The following CYYR1 variants were observed in gnomAD, a reference collection of about 807,000 sequenced individuals.
CYYR1 encodes the protein cysteine and tyrosine rich 1, also known as cysteine and tyrosine-rich protein 1.
In CYYR1, 14 loss-of-function variants were observed where a neutral mutation model predicts 15.2. The observed-to-expected ratio is 0.92, with a 90% CI of 0.61 to 1.44. The LOEUF (loss-of-function observed/expected upper bound fraction) is 1.44, where lower values mean the gene tolerates loss of function less well. Ranked by LOEUF, CYYR1 falls within the 40% of genes most tolerant of loss-of-function variation. The pLI is 0.00. For synonymous variants in CYYR1, 80 were observed against 77.4 expected (o/e 1.03, Z -0.18); for missense variants, 228 against 209.5 (o/e 1.09, Z -0.54).
rs537505319 is a variant in CYYR1 at position 26,486,723 on chromosome 21, GATA to G, written c.177-6297_177-6295del. 4.1e-3 allele frequency among the ~76,000 whole-genome samples: 623 copies of G among 152,110 alleles called. 2 individuals are homozygous for G. The highest frequency in any genetic ancestry group is 5.6e-3 in the Non-Finnish European group (380 of 67,956). ...ACTGTCTTTTATAACAAAGCTCAGAGATAATATATTTTATTCCATAAATCGCTT... is the reference window on the plus strand; with the variant it reads ...ACTGTCTTTTATAACAAAGCTCAGAGATATATTTTATTCCATAAATCGCTT... On this transcript the variant is annotated intron_variant, in intron 2 of 3. Coordinates refer to ENST00000652641, the MANE Select transcript of CYYR1 (RefSeq NM_001320768.2).
intron 2 of CYYR1, among the ~76,000 whole-genome samples, chr21:26,494,228 G>GA (rs1390987274): frequency 1.3e-5 from 2 of 151,988 alleles, no homozygotes; most frequent in African/African-American, 2.4e-5. Flanking sequence ...AATGAACATT[G>GA]AAAAAAGATT....
chr21:26,533,319 G>A (rs950552447), intron 2 of CYYR1, among the ~76,000 whole-genome samples: 3 of 151,418 alleles, frequency 2.0e-5, no homozygotes, highest in African/African-American at 4.9e-5. Flanking sequence ...ATAATTATGA[G>A]GGCTCACAAT....
At chr21:26,500,180 C>A (rs1702128527) in intron 2 of CYYR1, among the ~76,000 whole-genome samples, 1 of 152,064 alleles carries the variant, frequency 6.6e-6, no homozygotes, top group African/African-American at 2.4e-5. Context: ...GTGGGGGATC[C>A]ACCCTCCTAA....
At chr21:26,492,647 T>C (rs2065343780) in intron 2 of CYYR1, among the ~76,000 whole-genome samples, 1 of 152,150 alleles carries the variant, frequency 6.6e-6, no homozygotes, top group South Asian at 2.1e-4. Context: ...GAAACGTACC[T>C]TTGGGCACGT....
rs1569133646 is a variant in CYYR1 at position 26,466,597 on chromosome 21, AT to A, written c.*1903del. 1 of 152,136 alleles carries A rather than the reference AT, an allele frequency of 6.6e-6. No individual in the cohort carries two copies. Among genetic ancestry groups the A allele is most frequent in the Non-Finnish European group, 1.5e-5 (1 of 68,016 alleles). The allele number at this position is 152,136 out of a possible 1,614,324, so 9.4% of individuals were successfully genotyped here. On this transcript the variant is annotated 3_prime_UTR_variant, in exon 4 of 4. Transcript: ENST00000652641. ...TTGATGGTGAAGATGAGAAAACCCT[AT>A]TTCTGCTGATCTTTCCTTTCCGTTT... is the stretch of plus-strand genomic sequence containing the variant.
intron 2 of CYYR1, among the ~76,000 whole-genome samples, chr21:26,528,388 T>G (rs2065891038): frequency 6.6e-6 from 1 of 152,104 alleles, no homozygotes; most frequent in Admixed American, 6.6e-5. Context: ...TTGGTGCCAC[T>G]CTCATGGTAA....
At chr21:26,480,540 G>T in intron 2 of CYYR1, 111 bp from the exon 3 acceptor site, 1 of 1,146,092 alleles carries the variant, frequency 8.7e-7, no homozygotes. Flanking sequence ...TGTTCTTAAG[G>T]ATAATGTGTG....
At chr21:26,520,127 T>G (rs1601785678) in intron 2 of CYYR1, among the ~76,000 whole-genome samples, 1 of 146,246 alleles carries the variant, frequency 6.8e-6, no homozygotes, top group African/African-American at 2.5e-5. Context: ...TATATATATA[T>G]ATATATATAT....
intron 2 of CYYR1, among the ~76,000 whole-genome samples, chr21:26,488,257 C>CTTCCT (rs1388048396): frequency 6.6e-6 from 1 of 151,044 alleles, no homozygotes; most frequent in African/African-American, 2.4e-5. Context: ...TCCTTCCTTC[C>CTTCCT]TTCCTTCCTT....
At chr21:26,564,226 T>C (rs1980446636) in intron 2 of CYYR1, among the ~76,000 whole-genome samples, 2 of 152,064 alleles carry the variant, frequency 1.3e-5, no homozygotes, top group African/African-American at 4.8e-5. Context: ...TCTTTTCAAA[T>C]GTTAAACAAT....
intron 2 of CYYR1, among the ~76,000 whole-genome samples, chr21:26,529,565 A>G (rs2065905491): frequency 6.6e-6 from 1 of 152,240 alleles, no homozygotes; most frequent in South Asian, 2.1e-4. Flanking sequence ...AGCACTCATT[A>G]GCATGGTTTG....
At chr21:26,559,601 T>A (rs925821811) in intron 2 of CYYR1, among the ~76,000 whole-genome samples, 2 of 152,192 alleles carry the variant, frequency 1.3e-5, no homozygotes, top group Admixed American at 6.5e-5. Flanking sequence ...CTTTTTGTTT[T>A]TACATATTTA....
chr21:26,513,577 A>G (rs572706580), intron 2 of CYYR1, among the ~76,000 whole-genome samples: 2 of 152,254 alleles, frequency 1.3e-5, no homozygotes, highest in East Asian at 3.9e-4. Flanking sequence ...GAAGTAGGCA[A>G]TACTGTGGAG....
At chr21:26,521,967 T>C (rs1015339134) in intron 2 of CYYR1, among the ~76,000 whole-genome samples, 1 of 152,208 alleles carries the variant, frequency 6.6e-6, no homozygotes, top group Non-Finnish European at 1.5e-5. Flanking sequence ...GATTGAAAAG[T>C]TGACTCTGTC....
At chr21:26,554,102 T>C (rs761868524) in intron 2 of CYYR1, among the ~76,000 whole-genome samples, 4 of 152,180 alleles carry the variant, frequency 2.6e-5, no homozygotes, top group Non-Finnish European at 4.4e-5. Flanking sequence ...TGGAGAAAAC[T>C]GCTGATTAAC....
At chr21:26,483,371 G>A (rs1273657395) in intron 2 of CYYR1, 4 of 765,348 alleles carry the variant, frequency 5.2e-6, no homozygotes, top group African/African-American at 2.0e-5. Flanking sequence ...CATATTTGAT[G>A]TTTTCTTCAA....
intron 2 of CYYR1, among the ~76,000 whole-genome samples, chr21:26,538,909 A>G (rs780150728): frequency 2.0e-5 from 3 of 152,194 alleles, no homozygotes; most frequent in Admixed American, 6.5e-5. Flanking sequence ...AATTTGTGAT[A>G]TAGTCATATG....
intron 2 of CYYR1, among the ~76,000 whole-genome samples, chr21:26,548,722 A>C (rs1979160879): frequency 6.6e-6 from 1 of 152,212 alleles, no homozygotes; most frequent in Non-Finnish European, 1.5e-5. Context: ...ATAATTAATA[A>C]TAATGTAGAT....
intron 3 of CYYR1, among the ~76,000 whole-genome samples, chr21:26,472,964 T>G (rs2065054400): frequency 2.6e-5 from 4 of 152,170 alleles, no homozygotes; most frequent in African/African-American, 9.6e-5. Context: ...CAAAGTTTAT[T>G]TTTTCTAAGT....
Sources: allele counts gnomAD v4.1 joint callset (sites outside exome capture counted in the v4.1 genomes callset), GRCh38; gene constraint gnomAD v4.1.1; transcripts MANE v1.5; gene names NCBI Gene and HGNC (gene_info 2026-07-23, HGNC 2026-07-21).